ANK3: variants seen among roughly 807,000 people sequenced by gnomAD.
The protein encoded by ANK3 is ankyrin 3.
ANK3 carries 57 observed loss-of-function variants against 370.9 expected under a neutral mutation model. The observed-to-expected ratio is 0.15, with a 90% CI of 0.12 to 0.19. The LOEUF is 0.19. Among genes scored for constraint, ANK3 ranks in the 10% least tolerant of loss-of-function variants. The probability of loss-of-function intolerance (pLI) is 1.00; values close to 1 mark genes in which losing one functional copy is unlikely to be tolerated. For synonymous variants in ANK3, 1,929 were observed against 1,946.3 expected (o/e 0.99, Z 0.23); for missense variants, 4,439 against 5,302.1 (o/e 0.84, Z 5.06).
At chr10:60,391,176 T>G (rs1286282142), upstream of ANK3, among the ~76,000 whole-genome samples, 1 of 152,216 alleles carries the variant, frequency 6.6e-6, no homozygotes, top group Non-Finnish European at 1.5e-5. Flanking sequence ...ACCAATGGAC[T>G]GCGCACTTCT....
chr10:60,706,604 T>C (rs7908804), intron 1 of ANK3, among the ~76,000 whole-genome samples: 7,947 of 152,186 alleles, frequency 0.052, 289 homozygotes, highest in African/African-American at 0.087. Context: ...GACTGTTGAG[T>C]CGCTTTTTTG....
intron 2 of ANK3, among the ~76,000 whole-genome samples, chr10:60,606,709 G>A (rs1413358077): frequency 1.3e-5 from 2 of 152,170 alleles, no homozygotes; most frequent in Non-Finnish European, 2.9e-5. Flanking sequence ...ATTCACAGAA[G>A]AGAGGAGTCT....
intron 1 of ANK3, among the ~76,000 whole-genome samples, chr10:60,322,836 T>C (rs531122065): frequency 2.4e-4 from 36 of 152,234 alleles, no homozygotes; most frequent in African/African-American, 8.7e-4. Flanking sequence ...TGGGGTATAT[T>C]TTAAAGGCAG....
chr10:60,517,361 C>A (rs1567111740), intron 2 of ANK3, among the ~76,000 whole-genome samples: 2 of 151,996 alleles, frequency 1.3e-5, no homozygotes, highest in Non-Finnish European at 2.9e-5. Context: ...CTGTGCCCAG[C>A]CGATTCTTAG....
At chr10:60,425,706 T>C (rs1180707715) in intron 2 of ANK3, among the ~76,000 whole-genome samples, 4 of 152,102 alleles carry the variant, frequency 2.6e-5, no homozygotes, top group Non-Finnish European at 5.9e-5. Context: ...TTAAGGAAGC[T>C]AAGATGGGCT....
At chr10:60,557,422 C>G (rs2133242550) in intron 2 of ANK3, among the ~76,000 whole-genome samples, 1 of 152,004 alleles carries the variant, frequency 6.6e-6, no homozygotes, top group East Asian at 1.9e-4. Context: ...TATGGAACAT[C>G]AAGAATGGGA....
intron 38 of ANK3, among the ~76,000 whole-genome samples, chr10:60,064,672 G>GCAACAACAA (rs56412726): frequency 0.015 from 2,143 of 146,160 alleles, 28 homozygotes; most frequent in African/African-American, 0.031. Flanking sequence ...CATACACACA[G>GCAACAACAA]CAACAACAAC....
chr10:60,075,071 C>T lies in ANK3; in HGVS notation c.5810G>A (p.Gly1937Glu). 8 of 1,614,026 alleles carry T rather than the reference C, an allele frequency of 5.0e-6. No individual in the cohort carries two copies. The highest frequency in any genetic ancestry group is 1.1e-5 in the South Asian group (1 of 91,064). Residue 1937 changes from glycine to glutamate, a missense_variant, in exon 37 of 44, where the codon GGG becomes GAG. Gly to Glu is a moderately conservative substitution (Grantham distance 98). Around this residue, in one of 13 missense-constraint regions of ANK3, gnomAD observed 679 missense variants for 791.0 expected, o/e 0.86. Transcript: ENST00000280772. Reference protein sequence around the residue: ...KPFQPELPKEGRIDDEEPFKI... With the variant: ...KPFQPELPKEERIDDEEPFKI... Reference sequence around the variant, plus strand: ...GAAAGGTTCTTCATCATCTATTCTCCCTTCCTTTGGGAGTTCAGGTTGGAA... The same window carrying T: ...GAAAGGTTCTTCATCATCTATTCTCTCTTCCTTTGGGAGTTCAGGTTGGAA...
chr10:60,670,879 C>T (rs1164512307), intron 1 of ANK3, among the ~76,000 whole-genome samples: 1 of 152,158 alleles, frequency 6.6e-6, no homozygotes, highest in Non-Finnish European at 1.5e-5. Context: ...GGGAGAAGTC[C>T]CTGTTTTGCT....
chr10:60,172,908 G>A lies in ANK3; in HGVS notation c.2374C>T (p.Leu792Phe). ...TGGCCCTGAGCGCTTACCACAGTGA[G>A]TTCATTGGGGGAGGCGTTGTTCTGA... The part of the protein sequence containing the change: ...LLQNNASPNE[L>F]TVNGNTALGI... Residue 792 changes from leucine to phenylalanine, a missense_variant, in exon 20 of 44, where the codon CTC becomes TTC. Physicochemically the swap from Leu to Phe is conservative, Grantham distance 22. This residue lies in a region of ANK3 where 702 missense variants were observed against 941.5 expected (regional missense o/e 0.75). Transcript: ENST00000280772. The A allele has an allele frequency of 6.2e-7, 1 of 1,612,738 alleles. No homozygotes were observed. Among genetic ancestry groups the A allele is most frequent in the South Asian group, 1.1e-5 (1 of 91,026 alleles).
intron 1 of ANK3, among the ~76,000 whole-genome samples, chr10:60,713,423 T>C (rs2079737908): frequency 6.6e-6 from 1 of 152,200 alleles, no homozygotes; most frequent in South Asian, 2.1e-4. Context: ...AAAATAAAGA[T>C]GCAACTTATC....
chr10:60,169,549 A>G (rs961809223), intron 21 of ANK3, among the ~76,000 whole-genome samples: 16 of 152,036 alleles, frequency 1.1e-4, no homozygotes, highest in African/African-American at 3.9e-4. Flanking sequence ...TCTCCATTGT[A>G]AAGTTACTCT....
chr10:60,120,778 T>G (rs961601176), intron 25 of ANK3, among the ~76,000 whole-genome samples: 2 of 152,218 alleles, frequency 1.3e-5, no homozygotes, highest in Non-Finnish European at 2.9e-5. Flanking sequence ...AGATATCATC[T>G]CACCTTAGTT....
intron 1 of ANK3, among the ~76,000 whole-genome samples, chr10:60,284,169 T>C (rs2098208776): frequency 6.6e-6 from 1 of 152,086 alleles, no homozygotes; most frequent in Non-Finnish European, 1.5e-5. Context: ...AGGCAGAGAC[T>C]TGACTTACGC....
In ANK3 at chr10:60,145,486, G is replaced by T. The variant is rs1191136440; in HGVS notation, c.2615-6399C>A. 2.6e-5 allele frequency among the ~76,000 whole-genome samples: 4 copies of T among 152,222 alleles called. No homozygotes were observed. In the East Asian group the frequency reaches 7.7e-4, roughly 29 times the overall value. On this transcript the variant is annotated intron_variant, in intron 23 of 43. Transcript: ENST00000280772. Reference sequence around the variant, plus strand: ...TTCTAGTCAGCATTACAGAACAGTAGAATCAGATCAATTATAATTAACACT... The same window carrying T: ...TTCTAGTCAGCATTACAGAACAGTATAATCAGATCAATTATAATTAACACT...
rs183053688 is a variant in ANK3, at chr10:60,138,786, C to T, written c.2738+178G>A. ...TGTTCAATCACATGAAATTAACAAC[C>T]GCAAACCACAAAAGAAAATAGCAGA... On this transcript the variant is annotated intron_variant, in intron 24 of 43. Coordinates refer to ENST00000280772, the MANE Select transcript of ANK3 (RefSeq NM_020987.5). 904 of 789,790 alleles carry T rather than the reference C, an allele frequency of 1.1e-3. 8 individuals are homozygous for T. The African/African-American group carries it at 0.014, about 12-fold the overall frequency. 48.9% of individuals were successfully genotyped at this position (789,790 alleles called of 1,614,324 possible). A position where few individuals can be genotyped will look rare whatever the true frequency, so the allele number is the denominator to read the frequency against.
chr10:60,529,977 T>C (rs985926624), intron 2 of ANK3, among the ~76,000 whole-genome samples: 39 of 152,142 alleles, frequency 2.6e-4, no homozygotes, highest in African/African-American at 9.2e-4. Context: ...TAAAAAGGAA[T>C]TGGGATTCCC....
chr10:60,332,457 C>T (rs1465360896), intron 1 of ANK3, among the ~76,000 whole-genome samples: 1 of 152,128 alleles, frequency 6.6e-6, no homozygotes, highest in African/African-American at 2.4e-5. Flanking sequence ...GATGTTAGCA[C>T]CCAGCACTTA....
intron 1 of ANK3, among the ~76,000 whole-genome samples, chr10:60,350,541 G>A (rs890818596): frequency 6.6e-6 from 1 of 152,116 alleles, no homozygotes; most frequent in African/African-American, 2.4e-5. Flanking sequence ...AGCCTGTTCA[G>A]GCCAATCCTC....
Sources: gnomAD v4.1 joint callset for allele counts (sites outside exome capture counted in the v4.1 genomes callset) on GRCh38, gnomAD v4.1.1 for gene constraint, gnomAD v4.1.1 regional missense constraint, MANE v1.5 for transcripts, NCBI Gene and HGNC (gene_info 2026-07-23, HGNC 2026-07-21) for gene names.